SLIT1: variants seen among roughly 807,000 people sequenced by gnomAD.
SLIT1 encodes the protein slit guidance ligand 1.
In SLIT1, 66 loss-of-function variants were observed where a neutral mutation model predicts 186.1. That is an observed-to-expected ratio of 0.35 (90% CI 0.29 to 0.44). The LOEUF (loss-of-function observed/expected upper bound fraction) is 0.44. Ranked by LOEUF, SLIT1 falls within the 20% of genes least tolerant of loss-of-function variation. The pLI is 1.00. For missense variants in SLIT1, 1,638 were observed against 2,037.4 expected, an observed-to-expected ratio of 0.80 and a Z score of 3.77; for synonymous variants, 761 against 833.8, an observed-to-expected ratio of 0.91 and a Z score of 1.50.
intron 4 of SLIT1, among the ~76,000 whole-genome samples, chr10:97,080,956 C>T (rs1849098616): frequency 6.6e-6 from 1 of 152,188 alleles, no homozygotes; most frequent in African/African-American, 2.4e-5. Context: ...AGGGTCAGTG[C>T]CACCACCTAC....
intron 25 of SLIT1, among the ~76,000 whole-genome samples, chr10:97,028,126 T>C (rs1328851098): frequency 1.3e-5 from 2 of 152,078 alleles, no homozygotes; most frequent in African/African-American, 2.4e-5. Flanking sequence ...CCTAAAGACA[T>C]GTCAGCAAAA....
At chr10:97,023,923 C>T (rs557540589) in intron 25 of SLIT1, among the ~76,000 whole-genome samples, 6 of 149,878 alleles carry the variant, frequency 4.0e-5, no homozygotes, top group Middle Eastern at 3.4e-3. Flanking sequence ...GCCTGGGCGA[C>T]AAGACTGAAA....
At position 97,019,092 on chromosome 10, in the gene SLIT1, G is replaced by A. The variant is rs747985009; in HGVS notation, c.2762C>T (p.Ala921Val). The change falls in exon 27 of 37, where the codon GCT becomes GTT. Residue 921 changes from alanine (A) to valine (V), a missense_variant. By Grantham distance (64) the Ala-to-Val change is moderately conservative. Coordinates refer to ENST00000266058, the MANE Select transcript of SLIT1 (RefSeq NM_003061.3). ...GCAGAGATCACACTTGGCCTGGACA[G>A]CCAGCGTTGGAGGACCTGCAGCAAG... The part of the protein sequence containing the change: ...KFECQGPPTL[A>V]VQAKCDLCLS... 77 of 1,613,312 alleles carry A rather than the reference G, an allele frequency of 4.8e-5. No individual in the cohort carries two copies. Among genetic ancestry groups the A allele is most frequent in the Non-Finnish European group, 5.9e-5 (69 of 1,179,458 alleles).
intron 4 of SLIT1, among the ~76,000 whole-genome samples, chr10:97,138,983 C>T (rs1268829149): frequency 6.6e-6 from 1 of 152,212 alleles, no homozygotes. Flanking sequence ...CTGCCTAAGC[C>T]CAAGACCATA....
chr10:97,177,900 C>T (rs1431982342), intron 1 of SLIT1, among the ~76,000 whole-genome samples: 12 of 152,016 alleles, frequency 7.9e-5, no homozygotes, highest in African/African-American at 2.9e-4. Context: ...CACTTGAACC[C>T]GGGAGGTGGG....
chr10:97,151,186 A>G (rs1232891528), intron 4 of SLIT1, among the ~76,000 whole-genome samples: 2 of 152,186 alleles, frequency 1.3e-5, no homozygotes, highest in African/African-American at 4.8e-5. Context: ...CACAGTACCT[A>G]ACACAGAGCC....
At chr10:97,147,966 G>A (rs139555550) in intron 4 of SLIT1, among the ~76,000 whole-genome samples, 206 of 152,232 alleles carry the variant, frequency 1.4e-3, no homozygotes, top group Middle Eastern at 0.01. Context: ...CAGAAGACTC[G>A]TGAGCAGTCT....
chr10:97,176,672 G>C (rs997964669), intron 1 of SLIT1, among the ~76,000 whole-genome samples: 1 of 152,112 alleles, frequency 6.6e-6, no homozygotes, highest in Admixed American at 6.6e-5. Flanking sequence ...TCCTCAGACA[G>C]ACTGAATGCT....
chr10:97,133,900 G>A (rs577408585), intron 4 of SLIT1, among the ~76,000 whole-genome samples: 1 of 151,968 alleles, frequency 6.6e-6, no homozygotes, highest in Non-Finnish European at 1.5e-5. Context: ...TTGTCCCCTG[G>A]GTCACTCTGA....
chr10:97,105,146 T>C (rs1849400206), intron 4 of SLIT1, among the ~76,000 whole-genome samples: 1 of 152,148 alleles, frequency 6.6e-6, no homozygotes, highest in South Asian at 2.1e-4. Context: ...GGGACCAGGA[T>C]AATTATAAAT....
chr10:97,181,656 G>A (rs1453369098), intron 1 of SLIT1, among the ~76,000 whole-genome samples: 2 of 152,134 alleles, frequency 1.3e-5, no homozygotes, highest in Admixed American at 6.5e-5. Flanking sequence ...ACCAGCCTGG[G>A]CAACATAGCT....
At chr10:97,046,583 C>T (rs541653876) in intron 18 of SLIT1, 71 bp downstream of exon 18, 3 of 1,466,410 alleles carry the variant, frequency 2.0e-6, no homozygotes, top group South Asian at 2.7e-5. Flanking sequence ...TCCAGCCTCT[C>T]TCTTCCTTTC....
At chr10:97,108,638 C>G (rs909474159) in intron 4 of SLIT1, among the ~76,000 whole-genome samples, 7 of 152,138 alleles carry the variant, frequency 4.6e-5, no homozygotes, top group African/African-American at 1.7e-4. Flanking sequence ...TGCCTGTAAT[C>G]CCAGCACTTT....
rs1848703416 is a variant in SLIT1, at chr10:97,043,064, A to C, written c.2001T>G (p.Asn667Lys). Residue 667 changes from asparagine to lysine, a missense_variant, in exon 20 of 37, where the codon AAT (asparagine) becomes AAG (lysine). Transcript: ENST00000266058. The surrounding 1 kb of genome is among the most constrained non-coding windows in gnomAD (Gnocchi z 7.0). Reference protein sequence around the residue: ...FDTLQSLSTLNLLANPFNCNC... With the variant: ...FDTLQSLSTLKLLANPFNCNC... ...TGCAGTTGAAAGGGTTGGCCAGGAGATTCCTGGAAGAGGCAGGCCAGGCGG... is the reference window on the plus strand; with the variant it reads ...TGCAGTTGAAAGGGTTGGCCAGGAGCTTCCTGGAAGAGGCAGGCCAGGCGG... 1 of 1,613,532 alleles carries C rather than the reference A, an allele frequency of 6.2e-7. No homozygotes were observed. The highest frequency in any genetic ancestry group is 8.5e-7 in the Non-Finnish European group (1 of 1,179,734).
intron 1 of SLIT1, among the ~76,000 whole-genome samples, chr10:97,180,265 C>T (rs1233876894): frequency 6.6e-6 from 1 of 152,250 alleles, no homozygotes; most frequent in Non-Finnish European, 1.5e-5. Flanking sequence ...ATTGAGCACT[C>T]GCTGTCTGCC....
At chr10:97,050,554 C>T (rs1394538994) in intron 13 of SLIT1, among the ~76,000 whole-genome samples, 3 of 152,204 alleles carry the variant, frequency 2.0e-5, no homozygotes, top group Admixed American at 2.0e-4. Context: ...ATTCATTTCC[C>T]CTTTTAAACT....
chr10:97,175,815 G>A (rs1412083583), intron 1 of SLIT1, among the ~76,000 whole-genome samples: 2 of 151,936 alleles, frequency 1.3e-5, no homozygotes, highest in Admixed American at 6.6e-5. Flanking sequence ...ACTGACCTCC[G>A]CCTGCACCAC....
chr10:97,163,177 G>A (rs1012417030), intron 3 of SLIT1, among the ~76,000 whole-genome samples: 2 of 152,216 alleles, frequency 1.3e-5, no homozygotes. Context: ...GTGGGTTGGG[G>A]ACCCACTCCA....
intron 4 of SLIT1, among the ~76,000 whole-genome samples, chr10:97,141,250 G>A (rs376311260): frequency 6.6e-5 from 10 of 152,274 alleles, no homozygotes; most frequent in Middle Eastern, 3.4e-3. Flanking sequence ...AGCCTGCCTC[G>A]TGCAGAACAA....
Sources: gnomAD v4.1 joint callset for allele counts (sites outside exome capture counted in the v4.1 genomes callset) on GRCh38, gnomAD v4.1.1 for gene constraint, Gnocchi (gnomAD v3.1) non-coding constraint, MANE v1.5 for transcripts, NCBI Gene and HGNC (gene_info 2026-07-23, HGNC 2026-07-21) for gene names.